The following RORA variants were observed in gnomAD, a reference collection of about 807,000 sequenced individuals.
RORA encodes nuclear receptor ROR-alpha.
Under a neutral mutation model 69.5 loss-of-function variants are expected in RORA, and 7 were observed. That is an observed-to-expected ratio of 0.10 (90% CI 0.06 to 0.19). RORA has a LOEUF of 0.19. Among genes scored for constraint, RORA ranks in the 10% least tolerant of loss-of-function variants. The probability of loss-of-function intolerance (pLI) is 1.00; values close to 1 mark genes in which losing one functional copy is unlikely to be tolerated. For missense variants in RORA, 457 were observed against 663.0 expected, an observed-to-expected ratio of 0.69 and a Z score of 3.41; for synonymous variants, 261 against 240.8, an observed-to-expected ratio of 1.08 and a Z score of -0.78.
In RORA at chr15:60,497,491, A is replaced by C; in HGVS notation, c.1536T>G (p.Thr512=). The C allele has an allele frequency of 6.2e-7, 1 of 1,614,142 alleles. No homozygotes were observed. The highest frequency in any genetic ancestry group is 1.1e-5 in the South Asian group (1 of 91,076). ...TTTGCATTGCTGGCTCAAATTCTGA[A>C]GTGAACAACTCCTTGTATAATGGAG... ...HFPPLYKELF[T]SEFEPAMQID... Residue 512 remains threonine, a synonymous_variant, in exon 11 of 11, where the codon ACT becomes ACG. Coordinates refer to ENST00000335670, the MANE Select transcript of RORA (RefSeq NM_134261.3).
At position 61,056,709 on chromosome 15, in the gene RORA, G is replaced by A. The variant is rs142815173; in HGVS notation, c.166+172344C>T. The stretch of plus-strand genomic sequence containing the variant: ...GGGCAATCTCTATTCTAGAATAAAG[G>A]CAAAGAATGAAAAAATAATTATCAA... On this transcript the variant is annotated intron_variant, in intron 1 of 10. Transcript: ENST00000335670. 3.5e-3 allele frequency among the ~76,000 whole-genome samples: 540 copies of A among 152,208 alleles called. 3 individuals carry two copies. Among genetic ancestry groups the A allele is most frequent in the Admixed American group, 5.8e-3 (89 of 15,294 alleles).
intron 1 of RORA, among the ~76,000 whole-genome samples, chr15:61,020,135 T>G (rs1379361761): frequency 6.6e-6 from 1 of 152,198 alleles, no homozygotes; most frequent in Non-Finnish European, 1.5e-5. Context: ...CAAATCCTAA[T>G]GTGGCTGCCA....
At chr15:61,123,688 C>G (rs562594038) in intron 1 of RORA, among the ~76,000 whole-genome samples, 1 of 152,274 alleles carries the variant, frequency 6.6e-6, no homozygotes, top group African/African-American at 2.4e-5. Flanking sequence ...GATTTTTTAA[C>G]TGTCCCTTCC....
chr15:60,704,154 C>CG (rs1194141203), intron 1 of RORA, among the ~76,000 whole-genome samples: 1 of 152,168 alleles, frequency 6.6e-6, no homozygotes, highest in Non-Finnish European at 1.5e-5. Flanking sequence ...GCAACACAGC[C>CG]GTGACAAAAA....
chr15:60,737,421 T>C (rs341413), intron 1 of RORA, among the ~76,000 whole-genome samples: 28,661 of 152,118 alleles, frequency 0.19, 2,751 homozygotes, highest in African/African-American at 0.2. Context: ...ACCTCTAGAC[T>C]AGTGCTTCTC....
rs1258379985 is a variant in RORA, at chr15:60,905,490, T to A, written c.167-226804A>T. Among the ~76,000 whole-genome samples, 1 of 152,174 alleles carries A rather than the reference T, an allele frequency of 6.6e-6. No homozygotes were observed. The highest frequency in any genetic ancestry group is 1.5e-5 in the Non-Finnish European group (1 of 68,030). ...GACAGCTGCTCTATAAGGTATTCAA[T>A]GGTTAATTAAGACACGAGTGTCATT... is the stretch of plus-strand genomic sequence containing the variant. On this transcript the variant is annotated intron_variant, in intron 1 of 10. Coordinates refer to ENST00000335670, the MANE Select transcript of RORA (RefSeq NM_134261.3). The surrounding 1 kb of genome is among the most constrained non-coding windows in gnomAD (Gnocchi z 4.8).
chr15:61,011,733 G>T (rs1895093852), intron 1 of RORA, among the ~76,000 whole-genome samples: 1 of 152,198 alleles, frequency 6.6e-6, no homozygotes, highest in African/African-American at 2.4e-5. Flanking sequence ...GAGCTATTTT[G>T]ATTTATGAGG....
intron 1 of RORA, among the ~76,000 whole-genome samples, chr15:60,986,240 TCTC>T (rs1037939098): frequency 1.3e-5 from 2 of 151,916 alleles, no homozygotes; most frequent in African/African-American, 4.8e-5. Context: ...TTCAAGCCAT[TCTC>T]CTGCCTCAGC....
At chr15:60,770,236 G>T (rs2072054048) in intron 1 of RORA, among the ~76,000 whole-genome samples, 1 of 152,152 alleles carries the variant, frequency 6.6e-6, no homozygotes, top group Non-Finnish European at 1.5e-5. Context: ...TTGGAGAAAA[G>T]AGATTTTAAT....
intron 1 of RORA, among the ~76,000 whole-genome samples, chr15:61,151,426 T>G (rs1050195262): frequency 1.3e-5 from 2 of 152,242 alleles, no homozygotes; most frequent in Non-Finnish European, 2.9e-5. Context: ...TCCTTTTCTT[T>G]TGGAAAGATA....
chr15:60,534,641 T>C lies in RORA; in HGVS notation c.197-2790A>G, dbSNP rs1193026360. ...TGGATAGCAAGTTGAGGTATTCTGA[T>C]TGGTTAAACTATTCTCCTAGGCTTC... On this transcript the variant is annotated intron_variant, in intron 2 of 10. Coordinates refer to ENST00000335670, the MANE Select transcript of RORA (RefSeq NM_134261.3). This position sits in a 1 kb window ranked among gnomAD's most constrained non-coding sequence, Gnocchi z 5.0. 1.3e-5 allele frequency among the ~76,000 whole-genome samples: 2 copies of C among 152,094 alleles called. No homozygotes were observed. Among genetic ancestry groups the C allele is most frequent in the African/African-American group, 4.8e-5 (2 of 41,404 alleles).
At chr15:60,505,394 G>T in intron 6 of RORA, 114 bp downstream of exon 6, 1 of 1,071,626 alleles carries the variant, frequency 9.3e-7, no homozygotes, top group East Asian at 2.4e-5. Flanking sequence ...TATTTAAACA[G>T]AAACCTGATG....
chr15:60,718,151 A>G (rs1000977614), intron 1 of RORA, among the ~76,000 whole-genome samples: 5 of 152,220 alleles, frequency 3.3e-5, no homozygotes, highest in Non-Finnish European at 7.3e-5. Flanking sequence ...ACTATGGTAC[A>G]GTTGGCATAA....
intron 2 of RORA, among the ~76,000 whole-genome samples, chr15:60,623,354 T>A (rs2069471960): frequency 6.6e-6 from 1 of 152,232 alleles, no homozygotes; most frequent in Admixed American, 6.5e-5. Flanking sequence ...TTGGGATCTA[T>A]CAGCAACTAC....
intron 1 of RORA, among the ~76,000 whole-genome samples, chr15:60,903,432 A>G (rs533631586): frequency 2.2e-3 from 335 of 152,314 alleles, no homozygotes; most frequent in Admixed American, 5.3e-3. Flanking sequence ...TTTATATAAA[A>G]TGTCTTCCGG....
At chr15:60,632,068 C>T (rs2069748548) in intron 2 of RORA, among the ~76,000 whole-genome samples, 1 of 151,822 alleles carries the variant, frequency 6.6e-6, no homozygotes, top group Non-Finnish European at 1.5e-5. Context: ...TTATTAATAA[C>T]TATTTATGTG....
At chr15:61,017,464 C>T (rs1895338616) in intron 1 of RORA, among the ~76,000 whole-genome samples, 1 of 152,106 alleles carries the variant, frequency 6.6e-6, no homozygotes, top group Non-Finnish European at 1.5e-5. Flanking sequence ...AACTTGACTC[C>T]AATATCTCAA....
intron 1 of RORA, among the ~76,000 whole-genome samples, chr15:60,884,029 G>C (rs8040450): frequency 0.64 from 96,866 of 152,148 alleles, 31,286 homozygotes; most frequent in Non-Finnish European, 0.68. Context: ...AGCTACAAAT[G>C]AGATTCGTTG....
In RORA at chr15:60,492,045, CAT is replaced by C. The variant is rs1347508139; in HGVS notation, c.*5408_*5409del. ...ATGTCAACGTGTGTGTGTATACACA[CAT>C]ATACAAATACACATAGAGAGGAGAG... On this transcript the variant is annotated 3_prime_UTR_variant, in exon 11 of 11. Coordinates refer to ENST00000335670, the MANE Select transcript of RORA (RefSeq NM_134261.3). 6.6e-6 allele frequency: 1 copy of C among 151,790 alleles called. No individual in the cohort carries two copies. Among genetic ancestry groups the C allele is most frequent in the African/African-American group, 2.4e-5 (1 of 41,138 alleles). The allele number at this position is 151,790 out of a possible 1,614,324, so 9.4% of individuals were successfully genotyped here. A position where few individuals can be genotyped will look rare whatever the true frequency, so the allele number is the denominator to read the frequency against.
Sources: allele counts gnomAD v4.1 joint callset (sites outside exome capture counted in the v4.1 genomes callset), GRCh38; gene constraint gnomAD v4.1.1; non-coding constraint Gnocchi (gnomAD v3.1); transcripts MANE v1.5; gene names NCBI Gene and HGNC (gene_info 2026-07-23, HGNC 2026-07-21).